SPIRE2: variants seen among roughly 807,000 people sequenced by gnomAD.
SPIRE2 encodes spire type actin nucleation factor 2, also known as protein spire homolog 2.
In SPIRE2, 76 loss-of-function variants were observed where a neutral mutation model predicts 80.7. The ratio of observed to expected loss-of-function variants is 0.94; its 90% CI spans 0.78 to 1.14. The LOEUF is 1.14. Ranked by LOEUF, SPIRE2 falls within the 50% of genes most tolerant of loss-of-function variation. SPIRE2 has a pLI of 0.00. For missense variants in SPIRE2, 1,196 were observed against 1,015.3 expected (o/e 1.18, Z -2.42); for synonymous variants, 535 against 432.6 (o/e 1.24, Z -2.94).
At position 89,856,223 on chromosome 16, in the gene SPIRE2, C is replaced by T; in HGVS notation, c.1089C>T (p.Gly363=). Reference sequence around the variant, plus strand: ...GGCTGCGCCCGGTGCGGGGCGAGGGCTGGGCTGCCCGCGGTGAGTGAGGGG... The same window carrying T: ...GGCTGCGCCCGGTGCGGGGCGAGGGTTGGGCTGCCCGCGGTGAGTGAGGGG... ...ERRLRPVRGE[G]WAARGFGSLP... Residue 363 remains glycine, a synonymous_variant, in exon 7 of 15, where the codon GGC becomes GGT. Coordinates refer to ENST00000378247, the MANE Select transcript of SPIRE2 (RefSeq NM_032451.2). 6.3e-7 allele frequency: 1 copy of T among 1,579,716 alleles called. No individual in the cohort carries two copies. Among genetic ancestry groups the T allele is most frequent in the South Asian group, 1.1e-5 (1 of 87,070 alleles).
chr16:89,863,484 C>A lies in SPIRE2; in HGVS notation c.1584C>A (p.Ser528Arg). The A allele has an allele frequency of 6.2e-7, 1 of 1,614,004 alleles. No individual in the cohort carries two copies. The highest frequency in any genetic ancestry group is 8.5e-7 in the Non-Finnish European group (1 of 1,180,028). The change falls in exon 11 of 15, where the codon AGC (serine) becomes AGA (arginine). Residue 528 changes from serine (S) to arginine (R), a missense_variant. Physicochemically the swap from Ser to Arg is moderately radical, Grantham distance 110. Transcript: ENST00000378247. The surrounding 1 kb of genome is among the most constrained non-coding windows in gnomAD (Gnocchi z 4.3). Reference protein sequence around the residue: ...PDAKHLWLEFSHPVESLALTV... With the variant: ...PDAKHLWLEFRHPVESLALTV... ...CTGAGGCCGTCCCCTAGGAGTTCAG[C>A]CACCCCGTGGAGAGCCTGGCGCTGA...
chr16:89,855,716 G>A, intron 6 of SPIRE2, 30 bp downstream of exon 6: 1 of 1,603,290 alleles, frequency 6.2e-7, no homozygotes, highest in Non-Finnish European at 8.5e-7. Flanking sequence ...CTCCTCAGGG[G>A]CCGCCCGGGG....
chr16:89,830,339 A>T (rs2041367446), intron 1 of SPIRE2, among the ~76,000 whole-genome samples: 1 of 151,174 alleles, frequency 6.6e-6, no homozygotes, highest in South Asian at 2.1e-4. Flanking sequence ...GGTCCAGTTC[A>T]TTTTTTATTT....
Position 89,828,619 on chromosome 16 carries a change from C to A in SPIRE2, c.69C>A (p.Ser23=), listed in dbSNP as rs2041348755. ...GAGRPEPWEL[S]LEEVLKAYEQ... is the part of the protein sequence containing the mutation. Reference sequence around the variant, plus strand: ...GGCGGCCGGAGCCCTGGGAGCTGTCCCTGGAGGAGGTGCTGAAGGCCTACG... The same window carrying A: ...GGCGGCCGGAGCCCTGGGAGCTGTCACTGGAGGAGGTGCTGAAGGCCTACG... Residue 23 remains serine, a synonymous_variant, in exon 1 of 15, where the codon TCC becomes TCA. Transcript: ENST00000378247. This position sits in a 1 kb window ranked among gnomAD's most constrained non-coding sequence, Gnocchi z 5.9. The A allele has an allele frequency of 7.6e-7, 1 of 1,323,894 alleles. No homozygotes were observed. Among genetic ancestry groups the A allele is most frequent in the Non-Finnish European group, 9.8e-7 (1 of 1,025,624 alleles). 82.0% of individuals were successfully genotyped at this position (1,323,894 alleles called of 1,614,324 possible).
chr16:89,870,611 G>C lies in SPIRE2; in HGVS notation c.*339G>C, dbSNP rs1229266798. ...GTTCCCATGCTCTTCTCCGTCCCCAGGAATGCGAACGGCAGTTTCCCTTCC... is the reference window on the plus strand; with the variant it reads ...GTTCCCATGCTCTTCTCCGTCCCCACGAATGCGAACGGCAGTTTCCCTTCC... On this transcript the variant is annotated 3_prime_UTR_variant, in exon 15 of 15. Transcript: ENST00000378247. The C allele has an allele frequency of 4.8e-6, 1 of 206,928 alleles. No individual in the cohort carries two copies. The highest frequency in any genetic ancestry group is 1.1e-4 in the East Asian group (1 of 8,986). The allele number at this position is 206,928 out of a possible 1,614,324, so 12.8% of individuals were successfully genotyped here. A position where few individuals can be genotyped will look rare whatever the true frequency, so the allele number is the denominator to read the frequency against.
chr16:89,834,305 A>C (rs1442841608), intron 1 of SPIRE2, among the ~76,000 whole-genome samples: 2 of 139,546 alleles, frequency 1.4e-5, no homozygotes, highest in Admixed American at 1.5e-4. Context: ...TGGCCGTCGT[A>C]GAAGGCCCCA....
intron 1 of SPIRE2, among the ~76,000 whole-genome samples, chr16:89,829,258 C>T (rs1598213087): frequency 6.6e-6 from 1 of 152,222 alleles, no homozygotes; most frequent in South Asian, 2.1e-4. Context: ...TCTGAACTGA[C>T]ACTAAATTCC....
Position 89,834,657 on chromosome 16 carries a change from C to T in SPIRE2, c.244+5863C>T, listed in dbSNP as rs562681519. Among the ~76,000 whole-genome samples the T allele has an allele frequency of 9.3e-4, 115 of 123,190 alleles. 3 individuals carry two copies. The highest frequency in any genetic ancestry group is 2.9e-3 in the African/African-American group (98 of 33,590). 80.8% of individuals were successfully genotyped at this position (123,190 alleles called of 152,430 possible). ...TGTAGAAGCCTGGATAAGCATAGCC[C>T]GTGTGAATCTGTGAACCTGCCCGCA... On this transcript the variant is annotated intron_variant, in intron 1 of 14. Transcript: ENST00000378247.
intron 1 of SPIRE2, among the ~76,000 whole-genome samples, chr16:89,838,164 ATTTTT>A (rs34507409): frequency 2.3e-5 from 2 of 87,514 alleles, no homozygotes; most frequent in African/African-American, 9.8e-5. Flanking sequence ...CACGCTCAGC[ATTTTT>A]TTTTTTTTTT....
Position 89,858,612 on chromosome 16 carries a change from T to G in SPIRE2, c.1272+105T>G, listed in dbSNP as rs944197814. The G allele has an allele frequency of 2.4e-5, 27 of 1,141,148 alleles. No individual in the cohort carries two copies. The African/African-American group carries it at 4.3e-4, about 18-fold the overall frequency. 70.7% of individuals were successfully genotyped at this position (1,141,148 alleles called of 1,614,324 possible). A position where few individuals can be genotyped will look rare whatever the true frequency, so the allele number is the denominator to read the frequency against. ...GCCGGGGGCAGCAGCAATTGCGGTG[T>G]CTCCTGTCCAGGAGCCCTCCCTTGA... On this transcript the variant is annotated intron_variant, in intron 8 of 14. Coordinates refer to ENST00000378247, the MANE Select transcript of SPIRE2 (RefSeq NM_032451.2).
In SPIRE2 at chr16:89,869,386, G is replaced by A. The variant is rs995414596; in HGVS notation, c.1807-181G>A. On this transcript the variant is annotated intron_variant, in intron 13 of 14. Coordinates refer to ENST00000378247, the MANE Select transcript of SPIRE2 (RefSeq NM_032451.2). ...CAGATGTGCAGCAAGCAGGAACCCC[G>A]TGCCAGTCTTCAGCCAAAAGGCACA... Among the ~76,000 whole-genome samples, 7 of 152,034 alleles carry A rather than the reference G, an allele frequency of 4.6e-5. No individual in the cohort carries two copies. In the South Asian group the frequency reaches 8.3e-4, roughly 18 times the overall value.
intron 12 of SPIRE2, among the ~76,000 whole-genome samples, chr16:89,866,349 G>C (rs913125535): frequency 6.6e-6 from 1 of 151,876 alleles, no homozygotes; most frequent in African/African-American, 2.4e-5. Flanking sequence ...CCAGTCGGAA[G>C]TGCAATGCCG....
chr16:89,850,276 G>A lies in SPIRE2; in HGVS notation c.289-28G>A, dbSNP rs552238608. On this transcript the variant is annotated intron_variant, in intron 2 of 14. Coordinates refer to ENST00000378247, the MANE Select transcript of SPIRE2 (RefSeq NM_032451.2). ...CCCCGCCCCACCCCCCTGCAGTACC[G>A]CCCAGTGACCGCGCCCCTGTCCCGC... 5.2e-5 allele frequency: 82 copies of A among 1,589,830 alleles called. 1 individual carries two copies. The South Asian group carries it at 7.9e-4, about 15-fold the overall frequency.
In SPIRE2 at chr16:89,828,569, TGCGGCGGCGCC is replaced by T. The variant is rs773168925; in HGVS notation, c.27_37del (p.Ala10ArgfsTer134). ...CCCCGCCATGGCCCGGGCGGGCAGC[TGCGGCGGCGCC>T]GCGGCGGGCGCAGGGCGGCCGGAGC... On this transcript the variant is annotated frameshift_variant, in exon 1 of 15. Coordinates refer to ENST00000378247, the MANE Select transcript of SPIRE2 (RefSeq NM_032451.2). LOFTEE classifies it high-confidence loss of function. The surrounding 1 kb of genome is among the most constrained non-coding windows in gnomAD (Gnocchi z 5.9). 9.6e-6 allele frequency: 11 copies of T among 1,150,846 alleles called. No homozygotes were observed. Among genetic ancestry groups the T allele is most frequent in the South Asian group, 7.6e-5 (2 of 26,332 alleles). The allele number at this position is 1,150,846 out of a possible 1,614,324, so 71.3% of individuals were successfully genotyped here.
Position 89,828,646 on chromosome 16 carries a change from G to C in SPIRE2, c.96G>C (p.Glu32Asp). The change falls in exon 1 of 15, where the codon GAG becomes GAC. Residue 32 changes from glutamate (E) to aspartate (D), a missense_variant. Transcript: ENST00000378247. The surrounding 1 kb of genome is among the most constrained non-coding windows in gnomAD (Gnocchi z 5.9). ...LSLEEVLKAY[E>D]QPLNEEQAWA... ...TGGAGGAGGTGCTGAAGGCCTACGA[G>C]CAGCCGCTCAACGAGGAGCAGGCGT... 7.3e-7 allele frequency: 1 copy of C among 1,363,712 alleles called. No homozygotes were observed. The highest frequency in any genetic ancestry group is 3.3e-5 in the East Asian group (1 of 29,994). 84.5% of individuals were successfully genotyped at this position (1,363,712 alleles called of 1,614,324 possible).
chr16:89,858,381 T>C lies in SPIRE2; in HGVS notation c.1146T>C (p.Asp382=). 6.2e-7 allele frequency: 1 copy of C among 1,611,852 alleles called. No individual in the cohort carries two copies. The highest frequency in any genetic ancestry group is 2.2e-5 in the East Asian group (1 of 44,848). Residue 382 remains aspartate (D), a synonymous_variant, in exon 8 of 15, where the codon GAT becomes GAC. Coordinates refer to ENST00000378247, the MANE Select transcript of SPIRE2 (RefSeq NM_032451.2). ...LPCILNACSG[D]AKSTSCINLS... ...GCATCCTCAACGCCTGCTCCGGAGA[T>C]GCCAAGTCCACCTCCTGCATCAACC...
Position 89,863,131 on chromosome 16 carries a change from A to C in SPIRE2, c.1576-345A>C. 1.3e-5 allele frequency: 4 copies of C among 304,576 alleles called. No individual in the cohort carries two copies. The highest frequency in any genetic ancestry group is 2.5e-5 in the Non-Finnish European group (4 of 159,140). 18.9% of individuals were successfully genotyped at this position (304,576 alleles called of 1,614,324 possible). A position where few individuals can be genotyped will look rare whatever the true frequency, so the allele number is the denominator to read the frequency against. On this transcript the variant is annotated intron_variant, in intron 10 of 14. Transcript: ENST00000378247. This position sits in a 1 kb window ranked among gnomAD's most constrained non-coding sequence, Gnocchi z 4.3. ...AGGACATCAGCTGCTCAGGGAGGGAAGGTTTGAGATGGATTCTGGCTGGTG... is the reference window on the plus strand; with the variant it reads ...AGGACATCAGCTGCTCAGGGAGGGACGGTTTGAGATGGATTCTGGCTGGTG...
intron 2 of SPIRE2, among the ~76,000 whole-genome samples, chr16:89,848,137 C>T (rs904886435): frequency 5.3e-5 from 8 of 152,244 alleles, no homozygotes; most frequent in Non-Finnish European, 1.0e-4. Context: ...AACAGCGGCT[C>T]TTCCAGTCGG....
intron 12 of SPIRE2, among the ~76,000 whole-genome samples, chr16:89,867,171 GTCTC>G (rs1197303457): frequency 6.6e-6 from 1 of 151,066 alleles, no homozygotes; most frequent in East Asian, 2.0e-4. Context: ...TTGAGACAGA[GTCTC>G]TCTCTGTCAC....
Sources: allele counts gnomAD v4.1 joint callset (sites outside exome capture counted in the v4.1 genomes callset), GRCh38; gene constraint gnomAD v4.1.1; non-coding constraint Gnocchi (gnomAD v3.1); transcripts MANE v1.5; gene names NCBI Gene and HGNC (gene_info 2026-07-23, HGNC 2026-07-21).